NKTR: variants seen among roughly 807,000 people sequenced by gnomAD.
The protein encoded by NKTR is NK-tumor recognition protein.
NKTR carries 67 observed loss-of-function variants against 156.3 expected under a neutral mutation model. That is an observed-to-expected ratio of 0.43 (90% CI 0.35 to 0.53). NKTR has a LOEUF of 0.53. Among genes scored for constraint, NKTR ranks in the 20% least tolerant of loss-of-function variants. The pLI, the probability that NKTR is intolerant of heterozygous loss-of-function variation, is 0.01. For synonymous variants in NKTR, 640 were observed against 596.6 expected, an observed-to-expected ratio of 1.07 and a Z score of -1.06; for missense variants, 1,604 against 1,730.9, an observed-to-expected ratio of 0.93 and a Z score of 1.30.
In NKTR at chr3:42,617,641, T is replaced by TAACAAGCA; in HGVS notation, c.130_131insAACAAGCA (p.Ser44Ter). 6.4e-7 allele frequency: 1 copy of TAACAAGCA among 1,552,938 alleles called. No homozygotes were observed. Among genetic ancestry groups the TAACAAGCA allele is most frequent in the Non-Finnish European group, 8.9e-7 (1 of 1,124,572 alleles). On this transcript the variant is annotated stop_gained and frameshift_variant, in exon 3 of 17. Coordinates refer to ENST00000232978, the MANE Select transcript of NKTR (RefSeq NM_005385.4). LOFTEE classifies it high-confidence loss of function. ...ATGCAAAAACTTCCTTTGCTTGTGCTCAGGTAAGTGAATTATTATTTCCAA... is the reference window on the plus strand; with the variant it reads ...ATGCAAAAACTTCCTTTGCTTGTGCTAACAAGCACAGGTAAGTGAATTATTATTTCCAA...
chr3:42,625,127 A>G (rs1708254019), intron 6 of NKTR, among the ~76,000 whole-genome samples: 2 of 152,170 alleles, frequency 1.3e-5, no homozygotes, highest in Non-Finnish European at 2.9e-5. Flanking sequence ...GTCTTGCCTA[A>G]TGGAAATAGT....
chr3:42,633,329 A>G, intron 9 of NKTR: 2 of 1,248,930 alleles, frequency 1.6e-6, no homozygotes, highest in South Asian at 3.7e-5. Context: ...GGTGTGAGCC[A>G]CAATGCCTGG....
At chr3:42,635,923 T>A (rs907049956) in intron 12 of NKTR, among the ~76,000 whole-genome samples, 125 of 149,572 alleles carry the variant, frequency 8.4e-4, no homozygotes, top group Admixed American at 4.0e-4. Context: ...AAAAAAAAAA[T>A]AATTAGGACT....
At chr3:42,621,386 A>G in intron 5 of NKTR, 43 bp from the exon 6 acceptor site, 1 of 1,581,398 alleles carries the variant, frequency 6.3e-7, no homozygotes, top group African/African-American at 1.4e-5. Context: ...CTTTAAAGTG[A>G]CTTATAATTG....
chr3:42,626,215 A>T (rs1708374038), intron 6 of NKTR, among the ~76,000 whole-genome samples: 1 of 151,540 alleles, frequency 6.6e-6, no homozygotes, highest in African/African-American at 2.4e-5. Context: ...TATTTCAAAC[A>T]TTATGTTCTT....
At chr3:42,631,338 G>A (rs1269676840) in intron 8 of NKTR, 22 bp downstream of exon 8, 2 of 1,610,592 alleles carry the variant, frequency 1.2e-6, no homozygotes, top group African/African-American at 2.7e-5. Context: ...TTTGACAGTA[G>A]ATGAAGCTAA....
At chr3:42,618,972 A>C in intron 3 of NKTR, 48 bp from the exon 4 acceptor site, 1 of 1,454,028 alleles carries the variant, frequency 6.9e-7, no homozygotes, top group Non-Finnish European at 9.4e-7. Flanking sequence ...CCATGGAAGG[A>C]TGTATAAATA....
At chr3:42,628,031 A>G (rs2125798563) in intron 6 of NKTR, 1 of 985,288 alleles carries the variant, frequency 1.0e-6, no homozygotes, top group East Asian at 1.1e-4. Flanking sequence ...CTGTTCATCC[A>G]CGTATTAGCC....
rs573804555 is a variant in NKTR, at chr3:42,639,412, A to G, written c.3708A>G (p.Ala1236=). Residue 1236 remains alanine, a synonymous_variant, in exon 13 of 17, where the codon GCA becomes GCG. Transcript: ENST00000232978. ...WKPLQGVGNL[A]APNAATSSAV... ...CCCTGCAAGGTGTGGGGAACCTGGC[A>G]GCACCTAATGCTGCCACATCCAGTG... 1.2e-6 allele frequency: 2 copies of G among 1,614,162 alleles called. No individual in the cohort carries two copies. Among genetic ancestry groups the G allele is most frequent in the South Asian group, 1.1e-5 (1 of 91,078 alleles).
In NKTR at chr3:42,645,993, T is replaced by C; in HGVS notation, c.*18T>C. 1 of 1,563,702 alleles carries C rather than the reference T, an allele frequency of 6.4e-7. No individual in the cohort carries two copies. ...ACAGTTGAAAACGTCCGGATACAAATTATATCTTATTTGTAAATATCTGGC... is the reference window on the plus strand; with the variant it reads ...ACAGTTGAAAACGTCCGGATACAAACTATATCTTATTTGTAAATATCTGGC... On this transcript the variant is annotated 3_prime_UTR_variant, in exon 17 of 17. Coordinates refer to ENST00000232978, the MANE Select transcript of NKTR (RefSeq NM_005385.4).
rs201002171 is a variant in NKTR at position 42,642,523 on chromosome 3, C to G, written c.4069C>G (p.Arg1357Gly). ...SYRSRSYSRS[R>G]SRGWYSRGRT... ...TAGATCAAGAAGCTACTCTAGAAGTCGGAGCAGAGGATGGTACAGCAGAGG... is the reference window on the plus strand; with the variant it reads ...TAGATCAAGAAGCTACTCTAGAAGTGGGAGCAGAGGATGGTACAGCAGAGG... The change falls in exon 14 of 17, where the codon CGG (arginine) becomes GGG (glycine). Residue 1357 changes from arginine to glycine, a missense_variant. This residue lies in a region of NKTR where 193 missense variants were observed against 220.2 expected (regional missense o/e 0.88). Coordinates refer to ENST00000232978, the MANE Select transcript of NKTR (RefSeq NM_005385.4). The G allele has an allele frequency of 3.1e-6, 5 of 1,613,516 alleles. No individual in the cohort carries two copies. The East Asian group carries it at 1.1e-4, about 36-fold the overall frequency.
intron 9 of NKTR, chr3:42,633,043 G>T: frequency 2.4e-6 from 3 of 1,233,684 alleles, no homozygotes; most frequent in Non-Finnish European, 3.0e-6. Context: ...ATAGTCCTAA[G>T]AACTCTTTTT....
intron 13 of NKTR, among the ~76,000 whole-genome samples, chr3:42,641,574 T>C (rs1709886470): frequency 6.6e-6 from 1 of 152,154 alleles, no homozygotes; most frequent in South Asian, 2.1e-4. Context: ...GTACCTGCCA[T>C]CTAGCTTAAA....
chr3:42,628,261 C>A (rs1483490794), intron 6 of NKTR: 1 of 985,238 alleles, frequency 1.0e-6, no homozygotes, highest in African/African-American at 1.7e-5. Flanking sequence ...GCTGAGTTGT[C>A]CTTGAAATAG....
intron 2 of NKTR, among the ~76,000 whole-genome samples, chr3:42,615,684 C>T (rs1458597061): frequency 2.0e-5 from 3 of 152,108 alleles, no homozygotes; most frequent in Non-Finnish European, 4.4e-5. Flanking sequence ...GAAAAGTAGC[C>T]ATCTTACAGG....
chr3:42,627,851 T>G, intron 6 of NKTR: 1 of 985,406 alleles, frequency 1.0e-6, no homozygotes, highest in Non-Finnish European at 1.2e-6. Context: ...ATTGCACAGC[T>G]CTTTAAACAG....
rs1442178265 is a variant in NKTR at position 42,646,422 on chromosome 3, C to T, written c.*447C>T. On this transcript the variant is annotated 3_prime_UTR_variant, in exon 17 of 17. Coordinates refer to ENST00000232978, the MANE Select transcript of NKTR (RefSeq NM_005385.4). Reference sequence around the variant, plus strand: ...TATACTGATTACATAGAGTCTTGTACATATGTGCTCTAAAAACAAACCACC... The same window carrying T: ...TATACTGATTACATAGAGTCTTGTATATATGTGCTCTAAAAACAAACCACC... 7 of 156,912 alleles carry T rather than the reference C, an allele frequency of 4.5e-5. No individual in the cohort carries two copies. The highest frequency in any genetic ancestry group is 1.3e-4 in the Admixed American group (2 of 15,950). 9.7% of individuals were successfully genotyped at this position (156,912 alleles called of 1,614,324 possible). A position where few individuals can be genotyped will look rare whatever the true frequency, so the allele number is the denominator to read the frequency against.
intron 5 of NKTR, chr3:42,620,508 T>C: frequency 1.1e-5 from 11 of 983,134 alleles, no homozygotes; most frequent in Non-Finnish European, 1.3e-5. Flanking sequence ...ATAATAGTCT[T>C]TTATATTTCC....
At chr3:42,628,173 T>G in intron 6 of NKTR, 1 of 985,312 alleles carries the variant, frequency 1.0e-6, no homozygotes, top group South Asian at 4.7e-5. Flanking sequence ...AAGTGCAGAC[T>G]TATATTTCTG....
Sources: gnomAD v4.1 joint callset for allele counts (sites outside exome capture counted in the v4.1 genomes callset) on GRCh38, gnomAD v4.1.1 for gene constraint, gnomAD v4.1.1 regional missense constraint, MANE v1.5 for transcripts, NCBI Gene and HGNC (gene_info 2026-07-23, HGNC 2026-07-21) for gene names.